PIGL: variants seen among roughly 807,000 people sequenced by gnomAD.
The protein encoded by PIGL is phosphatidylinositol glycan anchor biosynthesis class L, also known as N-acetylglucosaminyl-phosphatidylinositol de-N-acetylase.
A neutral mutation model predicts 31.1 loss-of-function variants in PIGL; 22 were observed. The ratio of observed to expected loss-of-function variants is 0.71; its 90% CI spans 0.51 to 1.01. The LOEUF (loss-of-function observed/expected upper bound fraction) is 1.01. Among genes scored for constraint, PIGL ranks in the 50% least tolerant of loss-of-function variants. The pLI is 0.00. For missense variants in PIGL, 302 were observed against 315.9 expected (o/e 0.96, Z 0.33); for synonymous variants, 131 against 117.4 (o/e 1.12, Z -0.75).
chr17:16,326,032 C>T lies in PIGL; in HGVS notation c.*134C>T, dbSNP rs1025151287. ...CTGGAGCAGCCTCTGCAAAAGGGAG[C>T]CCATGTAGGCCAGGGGCTGTCCAAA... On this transcript the variant is annotated 3_prime_UTR_variant, in exon 7 of 7. Transcript: ENST00000225609. 1 of 649,400 alleles carries T rather than the reference C, an allele frequency of 1.5e-6. No homozygotes were observed. 40.2% of individuals were successfully genotyped at this position (649,400 alleles called of 1,614,324 possible).
intron 2 of PIGL, among the ~76,000 whole-genome samples, chr17:16,253,528 T>G (rs1036885314): frequency 6.6e-6 from 1 of 152,228 alleles, no homozygotes; most frequent in South Asian, 2.1e-4. Context: ...TTTTAAAAGA[T>G]TTTTTAAAAC....
chr17:16,223,778 A>G (rs2092639835), intron 1 of PIGL, among the ~76,000 whole-genome samples: 2 of 152,060 alleles, frequency 1.3e-5, no homozygotes, highest in South Asian at 4.1e-4. Context: ...GTTTGGAAGG[A>G]AAGATTGGAG....
At chr17:16,217,646 A>ATCTT in intron 1 of PIGL, 185 bp downstream of exon 1, 1 of 511,626 alleles carries the variant, frequency 2.0e-6, no homozygotes, top group Non-Finnish European at 3.4e-6. Flanking sequence ...GGGTTGGGGG[A>ATCTT]CGTCGGCAGC....
At chr17:16,240,594 G>A (rs1029831928) in intron 2 of PIGL, among the ~76,000 whole-genome samples, 2 of 151,818 alleles carry the variant, frequency 1.3e-5, no homozygotes, top group East Asian at 1.9e-4. Context: ...CCTAACTCCC[G>A]GGTGCAAGGG....
intron 1 of PIGL, among the ~76,000 whole-genome samples, chr17:16,233,020 A>G (rs1269496198): frequency 1.3e-5 from 2 of 152,082 alleles, no homozygotes; most frequent in East Asian, 1.9e-4. Flanking sequence ...GAGCTGAGGC[A>G]GGAGAATCGC....
At chr17:16,265,014 C>T (rs1284394025) in intron 2 of PIGL, among the ~76,000 whole-genome samples, 1 of 152,164 alleles carries the variant, frequency 6.6e-6, no homozygotes, top group Non-Finnish European at 1.5e-5. Flanking sequence ...TGTTTCACAT[C>T]AATTTATATA....
intron 5 of PIGL, 148 bp from the exon 6 acceptor site, chr17:16,317,627 G>T (rs2093083613): frequency 9.5e-6 from 14 of 1,473,604 alleles, no homozygotes; most frequent in Non-Finnish European, 1.2e-5. Context: ...TGGGCACAGG[G>T]CAGCTTTAGT....
At chr17:16,282,729 A>G (rs1299533169) in intron 2 of PIGL, among the ~76,000 whole-genome samples, 1 of 152,238 alleles carries the variant, frequency 6.6e-6, no homozygotes, top group Non-Finnish European at 1.5e-5. Flanking sequence ...TTGGTGAAAG[A>G]GTCAGTGCAG....
chr17:16,299,068 T>C (rs1487646306), intron 2 of PIGL, among the ~76,000 whole-genome samples: 2 of 150,982 alleles, frequency 1.3e-5, no homozygotes, highest in African/African-American at 4.9e-5. Flanking sequence ...ATTAGCTGGG[T>C]GTGGTGGCAC....
intron 6 of PIGL, 93 bp from the exon 7 acceptor site, chr17:16,325,707 G>A (rs562365329): frequency 9.6e-5 from 88 of 918,794 alleles, no homozygotes; most frequent in African/African-American, 3.7e-4. Flanking sequence ...ATATTAGTTC[G>A]AGGAAGGATT....
chr17:16,239,664 C>A (rs956880643), intron 2 of PIGL, among the ~76,000 whole-genome samples: 7 of 152,042 alleles, frequency 4.6e-5, no homozygotes, highest in African/African-American at 1.7e-4. Context: ...AATGATTACT[C>A]TAATGAAAGT....
intron 2 of PIGL, among the ~76,000 whole-genome samples, chr17:16,254,605 T>G (rs1341535381): frequency 8.4e-6 from 1 of 118,994 alleles, no homozygotes; most frequent in Non-Finnish European, 1.9e-5. Flanking sequence ...TTGGTTGTTT[T>G]TTTGTTTTGT....
At chr17:16,305,573 G>A (rs2093023056) in intron 3 of PIGL, among the ~76,000 whole-genome samples, 1 of 152,212 alleles carries the variant, frequency 6.6e-6, no homozygotes, top group South Asian at 2.1e-4. Context: ...CAGAAAGGGG[G>A]AAACTACAAG....
At chr17:16,284,355 G>A (rs1600821714) in intron 2 of PIGL, among the ~76,000 whole-genome samples, 1 of 152,168 alleles carries the variant, frequency 6.6e-6, no homozygotes, top group African/African-American at 2.4e-5. Context: ...GATTACAGAT[G>A]TGAGCCACCG....
rs955303324 is a variant in PIGL, at chr17:16,326,215, C to T, written c.*317C>T. On this transcript the variant is annotated 3_prime_UTR_variant, in exon 7 of 7. Transcript: ENST00000225609. ...CACCTAGCCCAGTGCCTGGGCAGGT[C>T]CCTATTATCATAAATGAACATAAAA... 3 of 298,350 alleles carry T rather than the reference C, an allele frequency of 1.0e-5. No homozygotes were observed. Among genetic ancestry groups the T allele is most frequent in the Non-Finnish European group, 1.9e-5 (3 of 160,800 alleles). 18.5% of individuals were successfully genotyped at this position (298,350 alleles called of 1,614,324 possible). A position where few individuals can be genotyped will look rare whatever the true frequency, so the allele number is the denominator to read the frequency against.
At chr17:16,243,118 T>G (rs2092730059) in intron 2 of PIGL, among the ~76,000 whole-genome samples, 1 of 152,184 alleles carries the variant, frequency 6.6e-6, no homozygotes, top group Admixed American at 6.5e-5. Flanking sequence ...TGGTGCAATC[T>G]TGGCTCACAG....
At chr17:16,317,010 A>C (rs1459155458) in intron 5 of PIGL, 1 of 1,172,208 alleles carries the variant, frequency 8.5e-7, no homozygotes, top group Non-Finnish European at 1.1e-6. Flanking sequence ...GTCTGAACTC[A>C]ATCCCATCCC....
chr17:16,239,344 G>A (rs1218308334), intron 2 of PIGL, among the ~76,000 whole-genome samples: 4 of 151,702 alleles, frequency 2.6e-5, no homozygotes, highest in Non-Finnish European at 4.4e-5. Flanking sequence ...TTAGCCAGGC[G>A]TGGTGGCATA....
chr17:16,237,100 G>C (rs896440031), intron 2 of PIGL, among the ~76,000 whole-genome samples: 3 of 135,322 alleles, frequency 2.2e-5, no homozygotes, highest in Non-Finnish European at 3.1e-5. Context: ...ACCACACCTG[G>C]CTTTTTTTTT....
Sources: gnomAD v4.1 joint callset for allele counts (sites outside exome capture counted in the v4.1 genomes callset) on GRCh38, gnomAD v4.1.1 for gene constraint, MANE v1.5 for transcripts, NCBI Gene and HGNC (gene_info 2026-07-23, HGNC 2026-07-21) for gene names.